ASTN2: variants seen among roughly 807,000 people sequenced by gnomAD.
ASTN2 encodes astrotactin 2, also known as astrotactin-2.
A neutral mutation model predicts 139.8 loss-of-function variants in ASTN2; 54 were observed. The ratio of observed to expected loss-of-function variants is 0.39; its 90% CI spans 0.31 to 0.48. The LOEUF is 0.48. Ranked by LOEUF, ASTN2 falls within the 20% of genes least tolerant of loss-of-function variation. The pLI, the probability that ASTN2 is intolerant of heterozygous loss-of-function variation, is 0.95. For missense variants in ASTN2, 1,565 were observed against 1,725.1 expected, an observed-to-expected ratio of 0.91 and a Z score of 1.64; for synonymous variants, 756 against 719.5, an observed-to-expected ratio of 1.05 and a Z score of -0.81.
intron 2 of ASTN2, among the ~76,000 whole-genome samples, chr9:117,225,814 A>G (rs941212067): frequency 2.6e-5 from 4 of 151,898 alleles, no homozygotes; most frequent in Non-Finnish European, 5.9e-5. Context: ...TGATATGTAT[A>G]AAATATGTCA....
At chr9:117,290,576 G>C (rs1254051917) in intron 2 of ASTN2, among the ~76,000 whole-genome samples, 1 of 152,138 alleles carries the variant, frequency 6.6e-6, no homozygotes, top group African/African-American at 2.4e-5. Context: ...CTTGGCAAGA[G>C]CACAATGAGA....
chr9:116,481,646 C>T (rs1201132814), intron 20 of ASTN2, among the ~76,000 whole-genome samples: 2 of 152,160 alleles, frequency 1.3e-5, no homozygotes, highest in East Asian at 3.9e-4. Context: ...TTTCTGTCTA[C>T]TATCCAATTT....
chr9:116,889,306 C>A (rs569592602), intron 10 of ASTN2, among the ~76,000 whole-genome samples: 14 of 152,178 alleles, frequency 9.2e-5, no homozygotes, highest in African/African-American at 2.9e-4. Flanking sequence ...GTGGATGTGG[C>A]CTTCCTCTCA....
chr9:116,830,342 G>C (rs998553528), intron 11 of ASTN2, among the ~76,000 whole-genome samples: 1 of 152,198 alleles, frequency 6.6e-6, no homozygotes, highest in African/African-American at 2.4e-5. Flanking sequence ...ACAGATGCTG[G>C]TGAGGCTGTG....
chr9:116,740,243 C>A (rs1234299170), intron 13 of ASTN2, among the ~76,000 whole-genome samples: 1 of 152,198 alleles, frequency 6.6e-6, no homozygotes, highest in Non-Finnish European at 1.5e-5. Context: ...TTCCATAATA[C>A]CATTCCAGTT....
chr9:116,550,577 G>T (rs1444963925), intron 19 of ASTN2, among the ~76,000 whole-genome samples: 1 of 152,112 alleles, frequency 6.6e-6, no homozygotes, highest in Non-Finnish European at 1.5e-5. Context: ...ATTGGGAGAG[G>T]AAAAGGGAGA....
chr9:116,918,146 G>A (rs1834504926), intron 10 of ASTN2, among the ~76,000 whole-genome samples: 1 of 152,276 alleles, frequency 6.6e-6, no homozygotes, highest in Admixed American at 6.5e-5. Context: ...GGAACTGTAA[G>A]TCCAATTAAA....
At chr9:116,859,760 G>T (rs1009030497) in intron 11 of ASTN2, among the ~76,000 whole-genome samples, 7 of 152,226 alleles carry the variant, frequency 4.6e-5, no homozygotes, top group Non-Finnish European at 1.5e-5. Flanking sequence ...AAGGCAAAGG[G>T]GTTCTGGGCG....
At chr9:116,977,434 C>T (rs566171087) in intron 7 of ASTN2, among the ~76,000 whole-genome samples, 578 of 152,110 alleles carry the variant, frequency 3.8e-3, no homozygotes, top group Non-Finnish European at 7.1e-3. Flanking sequence ...CTTTCCCTTC[C>T]ATCCATTCAT....
At chr9:117,306,079 T>C (rs1834991363) in intron 1 of ASTN2, among the ~76,000 whole-genome samples, 1 of 152,240 alleles carries the variant, frequency 6.6e-6, no homozygotes, top group South Asian at 2.1e-4. Flanking sequence ...TTCAGGCCAC[T>C]GTGGTTACAA....
intron 21 of ASTN2, 49 bp from the exon 22 acceptor site, chr9:116,440,841 T>C (rs986224836): frequency 1.3e-6 from 2 of 1,559,258 alleles, no homozygotes; most frequent in Non-Finnish European, 1.8e-6. Flanking sequence ...TGAAAAAAAG[T>C]AAGGATATAA....
intron 19 of ASTN2, among the ~76,000 whole-genome samples, chr9:116,513,728 T>C (rs1039381064): frequency 5.9e-5 from 9 of 152,186 alleles, no homozygotes; most frequent in African/African-American, 2.2e-4. Context: ...TAAACTTCTC[T>C]TCTTGCTTCA....
intron 19 of ASTN2, among the ~76,000 whole-genome samples, chr9:116,506,073 C>T (rs921546458): frequency 6.6e-6 from 1 of 152,128 alleles, no homozygotes; most frequent in Non-Finnish European, 1.5e-5. Flanking sequence ...TCATTGCCTC[C>T]CAACCCTCTG....
intron 1 of ASTN2, among the ~76,000 whole-genome samples, chr9:117,355,002 C>T (rs1412724692): frequency 3.3e-5 from 5 of 152,138 alleles, no homozygotes. Context: ...ATATTTTAAG[C>T]TCCTTGTCCT....
At chr9:117,102,832 T>C (rs963638157) in intron 4 of ASTN2, among the ~76,000 whole-genome samples, 1 of 152,086 alleles carries the variant, frequency 6.6e-6, no homozygotes, top group Non-Finnish European at 1.5e-5. Context: ...AATTAATGAT[T>C]AATTTTATCT....
At chr9:116,987,325 T>C (rs1009787929) in intron 7 of ASTN2, among the ~76,000 whole-genome samples, 3 of 152,226 alleles carry the variant, frequency 2.0e-5, no homozygotes, top group South Asian at 2.1e-4. Flanking sequence ...TGGGGACTAA[T>C]TGGTGTTGGC....
chr9:117,259,815 G>A (rs1452870505), intron 2 of ASTN2, among the ~76,000 whole-genome samples: 1 of 152,148 alleles, frequency 6.6e-6, no homozygotes, highest in African/African-American at 2.4e-5. Flanking sequence ...CTGAGGCTGT[G>A]TCACAGGCAT....
chr9:116,525,484 G>C (rs1851052164), intron 19 of ASTN2, among the ~76,000 whole-genome samples: 1 of 152,170 alleles, frequency 6.6e-6, no homozygotes, highest in Non-Finnish European at 1.5e-5. Flanking sequence ...TCCAGTCTGA[G>C]AGCCTTTGCA....
At chr9:117,182,405 C>T (rs1831097287) in intron 3 of ASTN2, among the ~76,000 whole-genome samples, 1 of 151,982 alleles carries the variant, frequency 6.6e-6, no homozygotes, top group African/African-American at 2.4e-5. Flanking sequence ...CTTTATATAC[C>T]ACTGATCTGA....
Sources: allele counts gnomAD v4.1 joint callset (sites outside exome capture counted in the v4.1 genomes callset), GRCh38; gene constraint gnomAD v4.1.1; transcripts MANE v1.5; gene names NCBI Gene and HGNC (gene_info 2026-07-23, HGNC 2026-07-21).